FOXP2: variants seen among roughly 807,000 people sequenced by gnomAD.
The protein encoded by FOXP2 is forkhead box P2.
FOXP2 carries 12 observed loss-of-function variants against 115.8 expected under a neutral mutation model. The ratio of observed to expected loss-of-function variants is 0.10; its 90% CI spans 0.07 to 0.17. The LOEUF (loss-of-function observed/expected upper bound fraction) is 0.17. Ranked by LOEUF, FOXP2 falls within the 10% of genes least tolerant of loss-of-function variation. FOXP2 has a pLI of 1.00. For missense variants in FOXP2, 629 were observed against 843.5 expected (o/e 0.75, Z 3.15); for synonymous variants, 328 against 297.7 (o/e 1.10, Z -1.05).
intron 1 of FOXP2, among the ~76,000 whole-genome samples, chr7:114,167,120 A>C (rs934732616): frequency 1.3e-5 from 2 of 152,218 alleles, no homozygotes; most frequent in African/African-American, 4.8e-5. Flanking sequence ...GTCCACACAA[A>C]AACTTGCACT....
chr7:114,656,574 A>C lies in FOXP2; in HGVS notation c.1267-1492A>C, dbSNP rs1178681627. 2.1e-5 allele frequency: 9 copies of C among 419,084 alleles called. No homozygotes were observed. In the East Asian group the frequency reaches 6.7e-4, roughly 31 times the overall value. The allele number at this position is 419,084 out of a possible 1,614,324, so 26.0% of individuals were successfully genotyped here. A position where few individuals can be genotyped will look rare whatever the true frequency, so the allele number is the denominator to read the frequency against. The stretch of plus-strand genomic sequence containing the variant: ...TGTATTAAATGCAGCATTTAGGAGC[A>C]TTATCTCAGCTTTCATTTATGTACG... On this transcript the variant is annotated intron_variant, in intron 10 of 16. Coordinates refer to ENST00000350908, the MANE Select transcript of FOXP2 (RefSeq NM_014491.4).
At chr7:114,388,476 T>C (rs1792510318) in intron 2 of FOXP2, among the ~76,000 whole-genome samples, 1 of 151,982 alleles carries the variant, frequency 6.6e-6, no homozygotes, top group Admixed American at 6.6e-5. Flanking sequence ...ATTGTGAAGC[T>C]CCTGGGAGGT....
At chr7:114,239,165 T>C (rs985610217) in intron 1 of FOXP2, among the ~76,000 whole-genome samples, 4 of 151,836 alleles carry the variant, frequency 2.6e-5, no homozygotes, top group Non-Finnish European at 5.9e-5. Flanking sequence ...AAAACTATCA[T>C]AGCAGTTTTT....
chr7:114,202,378 T>C (rs1479301125), intron 1 of FOXP2, among the ~76,000 whole-genome samples: 1 of 152,206 alleles, frequency 6.6e-6, no homozygotes, highest in Non-Finnish European at 1.5e-5. Flanking sequence ...ATTTAAAAAA[T>C]GCCATGAATG....
intron 1 of FOXP2, among the ~76,000 whole-genome samples, chr7:114,417,747 A>C (rs924620612): frequency 5.9e-5 from 9 of 151,976 alleles, no homozygotes; most frequent in African/African-American, 2.2e-4. Flanking sequence ...GAACTGTAAA[A>C]ATGAAAAGCA....
intron 1 of FOXP2, among the ~76,000 whole-genome samples, chr7:114,422,404 G>A (rs1399677341): frequency 6.6e-6 from 1 of 151,560 alleles, no homozygotes; most frequent in Non-Finnish European, 1.5e-5. Flanking sequence ...TTAATATTAA[G>A]GCACTAAGAT....
chr7:114,678,959 C>T (rs999192075), intron 16 of FOXP2, among the ~76,000 whole-genome samples: 13 of 152,132 alleles, frequency 8.5e-5, no homozygotes, highest in Non-Finnish European at 1.8e-4. Flanking sequence ...TTAGGCTCTT[C>T]TATCTCCTTG....
At chr7:114,493,035 T>G (rs1206045751) in intron 2 of FOXP2, among the ~76,000 whole-genome samples, 1 of 152,168 alleles carries the variant, frequency 6.6e-6, no homozygotes, top group Non-Finnish European at 1.5e-5. Context: ...TATTATTGTG[T>G]AGGAGTCTAA....
chr7:114,685,863 G>A (rs566126948), intron 16 of FOXP2, among the ~76,000 whole-genome samples: 2 of 151,888 alleles, frequency 1.3e-5, no homozygotes, highest in South Asian at 2.1e-4. Context: ...ACAGTGTCTA[G>A]GGAAAAGATG....
At chr7:114,678,948 T>C (rs1043604156) in intron 16 of FOXP2, among the ~76,000 whole-genome samples, 1 of 152,174 alleles carries the variant, frequency 6.6e-6, no homozygotes, top group East Asian at 1.9e-4. Flanking sequence ...TTTTGACAGA[T>C]TTAGGCTCTT....
intron 1 of FOXP2, among the ~76,000 whole-genome samples, chr7:114,285,024 C>A (rs1427455522): frequency 6.6e-6 from 1 of 151,924 alleles, no homozygotes; most frequent in Non-Finnish European, 1.5e-5. Flanking sequence ...CTGCGGCCTA[C>A]CAAAGGGTTG....
At chr7:114,284,997 A>C (rs1370756031) in intron 1 of FOXP2, among the ~76,000 whole-genome samples, 1 of 152,062 alleles carries the variant, frequency 6.6e-6, no homozygotes. Context: ...TAGACGCATA[A>C]AGGGGAACAA....
chr7:114,372,641 T>A (rs955581695), intron 2 of FOXP2, among the ~76,000 whole-genome samples: 11 of 152,218 alleles, frequency 7.2e-5, no homozygotes, highest in Non-Finnish European at 1.6e-4. Flanking sequence ...ACAAAATTAG[T>A]AACTGATGAG....
intron 1 of FOXP2, among the ~76,000 whole-genome samples, chr7:114,269,282 G>A (rs1584594868): frequency 6.6e-6 from 1 of 152,212 alleles, no homozygotes; most frequent in East Asian, 1.9e-4. Context: ...GACAGAAAAA[G>A]AATTATTTGT....
intron 1 of FOXP2, among the ~76,000 whole-genome samples, chr7:114,233,886 A>C (rs1375284334): frequency 6.6e-6 from 1 of 152,084 alleles, no homozygotes; most frequent in Non-Finnish European, 1.5e-5. Context: ...GGTGGTGCAC[A>C]CCTGTAATCC....
intron 2 of FOXP2, among the ~76,000 whole-genome samples, chr7:114,402,298 G>A (rs1431402186): frequency 2.0e-5 from 3 of 152,096 alleles, no homozygotes; most frequent in Non-Finnish European, 4.4e-5. Context: ...CATAAATTAA[G>A]AGGAAGATAT....
intron 1 of FOXP2, among the ~76,000 whole-genome samples, chr7:114,223,424 T>C (rs930658526): frequency 2.0e-5 from 3 of 149,978 alleles, no homozygotes; most frequent in African/African-American, 7.3e-5. Context: ...CGCTTTCCCA[T>C]TTTACTTTGG....
chr7:114,570,576 A>G (rs996049677), intron 3 of FOXP2, among the ~76,000 whole-genome samples: 2 of 151,818 alleles, frequency 1.3e-5, no homozygotes, highest in African/African-American at 4.8e-5. Flanking sequence ...TTTTTTGGTT[A>G]TGGGTTAATT....
At chr7:114,134,632 G>A (rs1295445045) in intron 1 of FOXP2, among the ~76,000 whole-genome samples, 1 of 148,850 alleles carries the variant, frequency 6.7e-6, no homozygotes, top group Non-Finnish European at 1.5e-5. Flanking sequence ...AGAATGGCGT[G>A]AACCCGGGAG....
Sources: allele counts gnomAD v4.1 joint callset (sites outside exome capture counted in the v4.1 genomes callset), GRCh38; gene constraint gnomAD v4.1.1; transcripts MANE v1.5; gene names NCBI Gene and HGNC (gene_info 2026-07-23, HGNC 2026-07-21).